The following NHSL1 variants were observed in gnomAD, a reference collection of about 807,000 sequenced individuals.
NHSL1 encodes NHS-like protein 1.
A neutral mutation model predicts 95.0 loss-of-function variants in NHSL1; 48 were observed. The observed-to-expected ratio is 0.51, with a 90% CI of 0.40 to 0.64. The LOEUF is 0.64. Among genes scored for constraint, NHSL1 ranks in the 30% least tolerant of loss-of-function variants. NHSL1 has a pLI of 0.00. For missense variants in NHSL1, 1,971 were observed against 2,077.7 expected, an observed-to-expected ratio of 0.95 and a Z score of 1.00; for synonymous variants, 783 against 833.9, an observed-to-expected ratio of 0.94 and a Z score of 1.05.
Position 138,422,476 on chromosome 6 carries a change from T to C in NHSL1, c.*1605A>G, listed in dbSNP as rs1410511106. On this transcript the variant is annotated 3_prime_UTR_variant, in exon 8 of 8. Coordinates refer to ENST00000343505, the MANE Select transcript of NHSL1 (RefSeq NM_001144060.2). Reference sequence around the variant, plus strand: ...ATGATTTGACCCATGCAGTCCAACTTTTAGATAGTATTTCCATACCCCCCA... The same window carrying C: ...ATGATTTGACCCATGCAGTCCAACTCTTAGATAGTATTTCCATACCCCCCA... The C allele has an allele frequency of 6.6e-6, 1 of 152,186 alleles. No individual in the cohort carries two copies. Among genetic ancestry groups the C allele is most frequent in the East Asian group, 1.9e-4 (1 of 5,196 alleles). The allele number at this position is 152,186 out of a possible 1,614,324, so 9.4% of individuals were successfully genotyped here.
intron 1 of NHSL1, among the ~76,000 whole-genome samples, chr6:138,560,555 G>A (rs1783373667): frequency 6.6e-6 from 1 of 152,170 alleles, no homozygotes; most frequent in Non-Finnish European, 1.5e-5. Flanking sequence ...TGACTTTACG[G>A]TAGAAATCAA....
At chr6:138,474,565 C>T (rs1280796254) in intron 2 of NHSL1, among the ~76,000 whole-genome samples, 6 of 151,888 alleles carry the variant, frequency 4.0e-5, no homozygotes, top group Admixed American at 6.6e-5. Context: ...GCAAATCAGA[C>T]AAAAATGAGG....
At chr6:138,556,451 C>T (rs545879651) in intron 1 of NHSL1, among the ~76,000 whole-genome samples, 10 of 151,806 alleles carry the variant, frequency 6.6e-5, no homozygotes, top group Non-Finnish European at 1.2e-4. Context: ...CTCTGAGCCC[C>T]ATTTCTTGAG....
upstream of NHSL1, among the ~76,000 whole-genome samples, chr6:138,500,444 A>T (rs527484023): frequency 6.6e-6 from 1 of 152,330 alleles, no homozygotes; most frequent in South Asian, 2.1e-4. Context: ...ATCCGGAAAT[A>T]CTATGACAAC....
At chr6:138,678,010 G>A (rs1355107618) in intron 1 of NHSL1, among the ~76,000 whole-genome samples, 1 of 152,180 alleles carries the variant, frequency 6.6e-6, no homozygotes, top group African/African-American at 2.4e-5. Context: ...CTTTCTGTCA[G>A]TAAAGAGAGA....
At position 138,425,040 on chromosome 6, in the gene NHSL1, G is replaced by A. The variant is rs141917341; in HGVS notation, c.4086-224C>T. ...AGCTTAGGAGTTCGAGACCAGCCTG[G>A]GCAACACAGTAAGACCTTATCTCTA... On this transcript the variant is annotated intron_variant, in intron 7 of 7. Transcript: ENST00000343505. Among the ~76,000 whole-genome samples, 1,381 of 151,688 alleles carry A rather than the reference G, an allele frequency of 9.1e-3. 20 individuals carry two copies. Among genetic ancestry groups the A allele is most frequent in the African/African-American group, 0.032 (1,308 of 41,344 alleles).
At chr6:138,471,424 C>T (rs1778743776) in intron 3 of NHSL1, among the ~76,000 whole-genome samples, 1 of 151,936 alleles carries the variant, frequency 6.6e-6, no homozygotes, top group Admixed American at 6.6e-5. Context: ...TCCACTCATG[C>T]CAACAAGAGA....
chr6:138,607,554 T>TA (rs1436496620), intron 1 of NHSL1, among the ~76,000 whole-genome samples: 1 of 152,220 alleles, frequency 6.6e-6, no homozygotes, highest in African/African-American at 2.4e-5. Flanking sequence ...TGATCAGGAT[T>TA]AAAATTGTGA....
chr6:138,646,978 T>C (rs1299313050), intron 1 of NHSL1, among the ~76,000 whole-genome samples: 1 of 152,226 alleles, frequency 6.6e-6, no homozygotes, highest in African/African-American at 2.4e-5. Flanking sequence ...ATGTGAATGT[T>C]GTTCTTCATG....
intron 2 of NHSL1, 84 bp downstream of exon 2, chr6:138,496,135 G>A (rs1464475042): frequency 7.3e-7 from 1 of 1,366,016 alleles, no homozygotes; most frequent in Non-Finnish European, 1.0e-6. Flanking sequence ...TAAAAGTAGA[G>A]CTGGTTTTAT....
intron 1 of NHSL1, among the ~76,000 whole-genome samples, chr6:138,608,053 C>T (rs960158886): frequency 9.2e-5 from 14 of 152,204 alleles, no homozygotes; most frequent in Non-Finnish European, 1.6e-4. Flanking sequence ...CAGGACCAAG[C>T]GGAACTGCGC....
At chr6:138,659,065 T>C (rs1305404665) in intron 1 of NHSL1, among the ~76,000 whole-genome samples, 8 of 150,212 alleles carry the variant, frequency 5.3e-5, no homozygotes, top group Admixed American at 4.6e-4. Context: ...TTTTTTTTTT[T>C]TTGAGACAGA....
intron 1 of NHSL1, among the ~76,000 whole-genome samples, chr6:138,542,131 A>G (rs1297078027): frequency 6.6e-6 from 1 of 152,192 alleles, no homozygotes; most frequent in African/African-American, 2.4e-5. Context: ...TTTAAGAAAA[A>G]CATCTGACAC....
intron 2 of NHSL1, among the ~76,000 whole-genome samples, chr6:138,478,012 C>CTTTTTTTTTTTTTTTTTTT (rs71009589): frequency 1.3e-4 from 4 of 29,996 alleles, no homozygotes; most frequent in African/African-American, 1.5e-4. Flanking sequence ...ATTTATGTCA[C>CTTTTTTTTTTTTTTTTTTT]TTTTTTTTTT....
chr6:138,542,973 A>T (rs937225834), intron 1 of NHSL1, among the ~76,000 whole-genome samples: 1 of 152,150 alleles, frequency 6.6e-6, no homozygotes, highest in Non-Finnish European at 1.5e-5. Flanking sequence ...TATGTTAGCC[A>T]GGCTGGTCCC....
chr6:138,480,878 C>G (rs950160516), intron 2 of NHSL1, among the ~76,000 whole-genome samples: 2 of 152,140 alleles, frequency 1.3e-5, no homozygotes, highest in Non-Finnish European at 2.9e-5. Context: ...TTATCATTAC[C>G]TGATTTGTGT....
At chr6:138,668,069 C>T (rs1175248721) in intron 1 of NHSL1, among the ~76,000 whole-genome samples, 1 of 152,176 alleles carries the variant, frequency 6.6e-6, no homozygotes, top group Non-Finnish European at 1.5e-5. Flanking sequence ...AGTGGACACA[C>T]ACCACAGGTT....
intron 4 of NHSL1, among the ~76,000 whole-genome samples, chr6:138,445,465 T>A (rs182525702): frequency 1.0e-3 from 154 of 152,022 alleles, no homozygotes; most frequent in African/African-American, 3.7e-3. Flanking sequence ...TTCAGAAAGA[T>A]CAATAACACT....
chr6:138,506,915 G>A (rs1780991474), intron 1 of NHSL1, among the ~76,000 whole-genome samples: 1 of 152,008 alleles, frequency 6.6e-6, no homozygotes, highest in East Asian at 1.9e-4. Flanking sequence ...CCTGCTGCTG[G>A]GCATTTATTT....
Sources: gnomAD v4.1 joint callset for allele counts (sites outside exome capture counted in the v4.1 genomes callset) on GRCh38, gnomAD v4.1.1 for gene constraint, MANE v1.5 for transcripts, NCBI Gene and HGNC (gene_info 2026-07-23, HGNC 2026-07-21) for gene names.